Variants in STAT3 observed in about 807,000 individuals in gnomAD.
STAT3 encodes the protein signal transducer and activator of transcription 3.
STAT3 carries 7 observed loss-of-function variants against 114.3 expected under a neutral mutation model. The ratio of observed to expected loss-of-function variants is 0.06; its 90% confidence interval spans 0.03 to 0.11. The LOEUF (loss-of-function observed/expected upper bound fraction) is 0.11, where lower values mean the gene tolerates loss of function less well. Ranked by LOEUF, STAT3 falls within the 10% of genes least tolerant of loss-of-function variation. STAT3 has a pLI of 1.00. For missense variants in STAT3, 364 were observed against 960.9 expected, an observed-to-expected ratio of 0.38 and a Z score of 8.21; for synonymous variants, 331 against 354.5, an observed-to-expected ratio of 0.93 and a Z score of 0.74.
At chr17:42,331,425 T>G in intron 11 of STAT3, 47 bp downstream of exon 11, 1 of 1,521,138 alleles carries the variant, frequency 6.6e-7, no homozygotes, top group African/African-American at 1.4e-5. Context: ...AAGTTCTCAT[T>G]TTTCTATTCC....
intron 1 of STAT3, among the ~76,000 whole-genome samples, chr17:42,367,335 T>C (rs2083858988): frequency 2.0e-5 from 3 of 146,482 alleles, no homozygotes; most frequent in Admixed American, 2.0e-4. Context: ...CAAGATTTTG[T>C]CTCCAAAAAA....
At chr17:42,343,261 C>T (rs1347599469) in intron 4 of STAT3, among the ~76,000 whole-genome samples, 1 of 150,472 alleles carries the variant, frequency 6.6e-6, no homozygotes, top group African/African-American at 2.4e-5. Context: ...AGCAGGGGGT[C>T]ACGGAGAAAA....
chr17:42,352,460 T>G (rs1328519751), intron 1 of STAT3, among the ~76,000 whole-genome samples: 4 of 152,160 alleles, frequency 2.6e-5, no homozygotes, highest in African/African-American at 9.7e-5. Context: ...GTGGCTGACG[T>G]GCATACTATA....
intron 21 of STAT3, 31 bp downstream of exon 21, chr17:42,322,251 T>C (rs764391285): frequency 1.2e-6 from 2 of 1,613,700 alleles, no homozygotes; most frequent in South Asian, 2.2e-5. Flanking sequence ...TTCCCAAAAA[T>C]TAAATGCCAG....
chr17:42,380,714 A>G (rs2084743672), intron 1 of STAT3, among the ~76,000 whole-genome samples: 1 of 152,146 alleles, frequency 6.6e-6, no homozygotes, highest in African/African-American at 2.4e-5. Flanking sequence ...TAATAAGAGT[A>G]ATTCAGCCTA....
rs17881759 is a variant in STAT3, at chr17:42,337,279, G to T, written c.797+156C>A. Among the ~76,000 whole-genome samples, 986 of 152,308 alleles carry T rather than the reference G, an allele frequency of 6.5e-3. 13 individuals carry two copies. The highest frequency in any genetic ancestry group is 0.022 in the African/African-American group (933 of 41,556). On this transcript the variant is annotated intron_variant, in intron 8 of 23. Transcript: ENST00000264657. This position sits in a 1 kb window ranked among gnomAD's most constrained non-coding sequence, Gnocchi z 4.0. ...TTACAGGTGTGAGCCACAGCGCCTG[G>T]CCGAAATAAAGTAAAAACTTTAATT...
rs181874173 is a variant in STAT3, at chr17:42,324,931, C to T, written c.1464+32G>A. On this transcript the variant is annotated intron_variant, in intron 16 of 23. Transcript: ENST00000264657. This position sits in a 1 kb window ranked among gnomAD's most constrained non-coding sequence, Gnocchi z 4.5. ...GGTACCCCTAAGTCGCAAGAGATCC[C>T]GGGGCACCAACTAAAAGGAGGGGGC... 8 of 1,613,946 alleles carry T rather than the reference C, an allele frequency of 5.0e-6. No individual in the cohort carries two copies. The African/African-American group carries it at 6.7e-5, about 13-fold the overall frequency.
intron 22 of STAT3, 21 bp downstream of exon 22, chr17:42,317,161 C>CG: frequency 6.2e-7 from 1 of 1,613,924 alleles, no homozygotes; most frequent in South Asian, 1.1e-5. Flanking sequence ...GAAGGCAAAA[C>CG]GGGGAAAGGA....
chr17:42,359,057 TC>T (rs2083379150), intron 1 of STAT3, among the ~76,000 whole-genome samples: 1 of 147,770 alleles, frequency 6.8e-6, no homozygotes, highest in Non-Finnish European at 1.5e-5. Flanking sequence ...TGCCTCAGCC[TC>T]CCGAGTAGCT....
intron 10 of STAT3, 53 bp from the exon 11 acceptor site, chr17:42,331,584 CT>C: frequency 7.0e-7 from 1 of 1,424,582 alleles, no homozygotes; most frequent in Non-Finnish European, 9.9e-7. Flanking sequence ...CTCCCATAAC[CT>C]TTTCTTGAAG....
intron 4 of STAT3, among the ~76,000 whole-genome samples, chr17:42,343,602 G>A (rs1377775929): frequency 6.6e-6 from 1 of 151,656 alleles, no homozygotes; most frequent in Non-Finnish European, 1.5e-5. Flanking sequence ...CTACAGGCGC[G>A]TACCACCACA....
At position 42,316,940 on chromosome 17, in the gene STAT3, G is replaced by A. The variant is rs751678093; in HGVS notation, c.2145-39C>T. On this transcript the variant is annotated intron_variant, in intron 22 of 23. Transcript: ENST00000264657. ...GGGGCAGCAGGAGGGGAAACGGGGG[G>A]TTGACAAGACACAATGGAAAAAAAA... 7 of 1,592,952 alleles carry A rather than the reference G, an allele frequency of 4.4e-6. No individual in the cohort carries two copies. The African/African-American group carries it at 8.2e-5, about 19-fold the overall frequency.
intron 1 of STAT3, among the ~76,000 whole-genome samples, chr17:42,360,697 T>C (rs900510615): frequency 3.3e-5 from 5 of 151,960 alleles, no homozygotes; most frequent in African/African-American, 9.7e-5. Context: ...AAACCAACCA[T>C]TGTAACTAGC....
At chr17:42,378,467 G>A (rs2084595823) in intron 1 of STAT3, among the ~76,000 whole-genome samples, 2 of 152,036 alleles carry the variant, frequency 1.3e-5, no homozygotes, top group African/African-American at 4.8e-5. Context: ...GGATGGTCTT[G>A]AACTCCTGAC....
At position 42,324,861 on chromosome 17, in the gene STAT3, A is replaced by G; in HGVS notation, c.1465-15T>C. 6.2e-7 allele frequency: 1 copy of G among 1,614,174 alleles called. No individual in the cohort carries two copies. The highest frequency in any genetic ancestry group is 8.5e-7 in the Non-Finnish European group (1 of 1,180,028). ...AAGTTTACATTCTATTGGAAAGAAC[A>G]CATTTGCTTGTTTAGATGAGGGATG... On this transcript the variant is annotated splice_polypyrimidine_tract_variant and intron_variant, in intron 16 of 23. Coordinates refer to ENST00000264657, the MANE Select transcript of STAT3 (RefSeq NM_139276.3). The surrounding 1 kb of genome is among the most constrained non-coding windows in gnomAD (Gnocchi z 4.5).
chr17:42,318,126 C>CTTTTTT (rs57273112), intron 21 of STAT3, among the ~76,000 whole-genome samples: 4 of 146,874 alleles, frequency 2.7e-5, no homozygotes, highest in African/African-American at 7.4e-5. Context: ...TAATTTTTGT[C>CTTTTTT]TTTTTTTTTT....
At chr17:42,379,254 C>G (rs747547005) in intron 1 of STAT3, among the ~76,000 whole-genome samples, 2 of 152,140 alleles carry the variant, frequency 1.3e-5, no homozygotes. Flanking sequence ...GCCCCGCATA[C>G]GGCCAGGAAA....
chr17:42,345,631 C>T lies in STAT3; in HGVS notation c.300G>A (p.Glu100=), dbSNP rs1407142328. Residue 100 remains glutamate, a synonymous_variant, in exon 4 of 24, where the codon GAG becomes GAA. Transcript: ENST00000264657. ...LQSRYLEKPM[E]IARIVARCLW... is the part of the protein sequence containing the mutation. ...GGCACCGGGCCACAATCCGGGCAAT[C>T]TCCATTGGCTTCTCAAGATACCTGC... 3.1e-6 allele frequency: 5 copies of T among 1,607,144 alleles called. No individual in the cohort carries two copies. Among genetic ancestry groups the T allele is most frequent in the Non-Finnish European group, 4.3e-6 (5 of 1,175,954 alleles).
At chr17:42,332,403 TG>T (rs952050913) in intron 10 of STAT3, among the ~76,000 whole-genome samples, 2 of 148,154 alleles carry the variant, frequency 1.3e-5, no homozygotes, top group Non-Finnish European at 3.0e-5. Context: ...CCGGGCATGG[TG>T]GCAGGTACCT....
Sources: allele counts gnomAD v4.1 joint callset (sites outside exome capture counted in the v4.1 genomes callset), GRCh38; gene constraint gnomAD v4.1.1; non-coding constraint Gnocchi (gnomAD v3.1); transcripts MANE v1.5; gene names NCBI Gene and HGNC (gene_info 2026-07-23, HGNC 2026-07-21).